RELN: variants seen among roughly 807,000 people sequenced by gnomAD.
RELN encodes the protein reelin.
RELN carries 108 observed loss-of-function variants against 427.6 expected under a neutral mutation model. That is an observed-to-expected ratio of 0.25 (90% CI 0.22 to 0.30). RELN has a LOEUF of 0.30. Among genes scored for constraint, RELN ranks in the 10% least tolerant of loss-of-function variants. The probability of loss-of-function intolerance (pLI) is 1.00; values close to 1 mark genes in which losing one functional copy is unlikely to be tolerated. For synonymous variants in RELN, 1,524 were observed against 1,513.4 expected, an observed-to-expected ratio of 1.01 and a Z score of -0.16; for missense variants, 3,715 against 4,302.8, an observed-to-expected ratio of 0.86 and a Z score of 3.82.
At chr7:103,668,775 G>T (rs1833326815) in intron 11 of RELN, among the ~76,000 whole-genome samples, 1 of 152,064 alleles carries the variant, frequency 6.6e-6, no homozygotes, top group East Asian at 1.9e-4. Flanking sequence ...TTTCACACTG[G>T]TTCATTGGTC....
chr7:103,511,090 T>A, intron 50 of RELN, 85 bp from the exon 51 acceptor site: 1 of 919,820 alleles, frequency 1.1e-6, no homozygotes, highest in Non-Finnish European at 1.8e-6. Context: ...GACATAGAAT[T>A]ATTTTAAGTA....
chr7:103,713,890 T>A (rs1007254689), intron 8 of RELN, among the ~76,000 whole-genome samples: 7 of 152,218 alleles, frequency 4.6e-5, no homozygotes, highest in African/African-American at 1.7e-4. Flanking sequence ...TATATCATAC[T>A]TAGATTTTTA....
At chr7:103,877,488 G>T (rs1031204537) in intron 2 of RELN, among the ~76,000 whole-genome samples, 1 of 152,052 alleles carries the variant, frequency 6.6e-6, no homozygotes, top group Admixed American at 6.5e-5. Context: ...TTAAGTATAT[G>T]CACTTCTCTC....
At chr7:103,791,507 T>C (rs190330547) in intron 3 of RELN, among the ~76,000 whole-genome samples, 1 of 152,286 alleles carries the variant, frequency 6.6e-6, no homozygotes, top group East Asian at 1.9e-4. Flanking sequence ...AAACAAATAA[T>C]GTTCAGTCAA....
chr7:103,638,706 A>G (rs1832635222), intron 17 of RELN, among the ~76,000 whole-genome samples: 1 of 152,242 alleles, frequency 6.6e-6, no homozygotes. Context: ...AAAGTTCTAA[A>G]TGGTGAAAAT....
chr7:103,524,679 C>A (rs1221957904), intron 46 of RELN, among the ~76,000 whole-genome samples: 1 of 152,140 alleles, frequency 6.6e-6, no homozygotes, highest in South Asian at 2.1e-4. Flanking sequence ...GACAAAAGAC[C>A]AAACAACAGG....
intron 10 of RELN, among the ~76,000 whole-genome samples, chr7:103,682,462 C>G (rs917450137): frequency 2.0e-5 from 3 of 151,976 alleles, no homozygotes; most frequent in African/African-American, 7.2e-5. Context: ...TAAGTTATCA[C>G]AAAAAAGGAG....
chr7:103,472,662 A>C lies in RELN; in HGVS notation c.*150T>G. 1.5e-6 allele frequency: 1 copy of C among 666,878 alleles called. No individual in the cohort carries two copies. The allele number at this position is 666,878 out of a possible 1,614,324, so 41.3% of individuals were successfully genotyped here. A position where few individuals can be genotyped will look rare whatever the true frequency, so the allele number is the denominator to read the frequency against. ...CTTGTCATTAGTTCACAGTGTGGGA[A>C]AGTGGTGTACACTCGGTCTTGAGAA... is the stretch of plus-strand genomic sequence containing the variant. On this transcript the variant is annotated 3_prime_UTR_variant, in exon 65 of 65. Transcript: ENST00000428762.
chr7:103,967,835 A>G (rs185099607), intron 1 of RELN, among the ~76,000 whole-genome samples: 168 of 152,280 alleles, frequency 1.1e-3, no homozygotes, highest in African/African-American at 4.0e-3. Flanking sequence ...TCAAGCTTCA[A>G]GGTCCATACC....
chr7:103,773,442 TCTC>T (rs1791655620), intron 4 of RELN, among the ~76,000 whole-genome samples: 2 of 102,106 alleles, frequency 2.0e-5, no homozygotes, highest in Admixed American at 2.1e-4. Context: ...TCTCTCTCTC[TCTC>T]CCTCGCTCCC....
chr7:103,926,093 C>A (rs986679119), intron 1 of RELN, among the ~76,000 whole-genome samples: 1 of 136,098 alleles, frequency 7.3e-6, no homozygotes, highest in Non-Finnish European at 1.6e-5. Context: ...ATGACCCCCA[C>A]CCCGCCTTTT....
intron 10 of RELN, 72 bp downstream of exon 10, chr7:103,697,781 G>A: frequency 6.2e-7 from 1 of 1,603,812 alleles, no homozygotes; most frequent in Non-Finnish European, 8.5e-7. Flanking sequence ...TATACAATTT[G>A]GTTTATTGAG....
At chr7:103,710,446 A>G (rs1416107649) in intron 8 of RELN, among the ~76,000 whole-genome samples, 1 of 152,254 alleles carries the variant, frequency 6.6e-6, no homozygotes, top group Non-Finnish European at 1.5e-5. Context: ...CTACACCCAC[A>G]GTGCTGATGC....
At chr7:103,699,698 T>G (rs1834052195) in intron 9 of RELN, among the ~76,000 whole-genome samples, 1 of 152,168 alleles carries the variant, frequency 6.6e-6, no homozygotes, top group Admixed American at 6.6e-5. Flanking sequence ...AATTTTTCAG[T>G]ATTTATGCTT....
At chr7:103,891,422 A>C (rs1291553854) in intron 2 of RELN, among the ~76,000 whole-genome samples, 2 of 152,150 alleles carry the variant, frequency 1.3e-5, no homozygotes, top group Admixed American at 6.5e-5. Context: ...GCCCAATTCC[A>C]ATGAGTGCAC....
intron 52 of RELN, among the ~76,000 whole-genome samples, chr7:103,502,690 C>G (rs1262682491): frequency 6.6e-6 from 1 of 152,168 alleles, no homozygotes; most frequent in African/African-American, 2.4e-5. Context: ...GGTCCACAGT[C>G]TACAAGGTTG....
At chr7:103,737,569 C>A (rs1790526408) in intron 6 of RELN, among the ~76,000 whole-genome samples, 2 of 152,192 alleles carry the variant, frequency 1.3e-5, no homozygotes, top group African/African-American at 4.8e-5. Flanking sequence ...AATAAAGTTC[C>A]AGCTAGAATA....
rs540062252 is a variant in RELN at position 103,673,436 on chromosome 7, T to C, written c.1289+8680A>G. On this transcript the variant is annotated intron_variant, in intron 11 of 64. Transcript: ENST00000428762. ...TCCCTTTCCTGTCAGCCACCTTCTATACTTTTCATGTTGCAATCTTCTGCG... is the reference window on the plus strand; with the variant it reads ...TCCCTTTCCTGTCAGCCACCTTCTACACTTTTCATGTTGCAATCTTCTGCG... Among the ~76,000 whole-genome samples, 3 of 152,308 alleles carry C rather than the reference T, an allele frequency of 2.0e-5. No homozygotes were observed. In the East Asian group the frequency reaches 5.8e-4, roughly 29 times the overall value.
intron 10 of RELN, among the ~76,000 whole-genome samples, chr7:103,683,852 C>T (rs1833705489): frequency 6.6e-6 from 1 of 152,104 alleles, no homozygotes; most frequent in African/African-American, 2.4e-5. Flanking sequence ...TTCTCTATCT[C>T]TTAGCAAGAT....
Sources: allele counts gnomAD v4.1 joint callset (sites outside exome capture counted in the v4.1 genomes callset), GRCh38; gene constraint gnomAD v4.1.1; transcripts MANE v1.5; gene names NCBI Gene and HGNC (gene_info 2026-07-23, HGNC 2026-07-21).